Variants in NEK11 observed in about 807,000 individuals in gnomAD.
The protein encoded by NEK11 is NIMA related kinase 11.
In NEK11, 72 loss-of-function variants were observed where a neutral mutation model predicts 80.7. That is an observed-to-expected ratio of 0.89 (90% confidence interval 0.74 to 1.08). NEK11 has a LOEUF of 1.08. NEK11 is among the 50% of genes least tolerant of loss of function. The pLI, the probability that NEK11 is intolerant of heterozygous loss-of-function variation, is 0.00. For missense variants in NEK11, 764 were observed against 763.6 expected (o/e 1.00, Z -0.01); for synonymous variants, 251 against 260.7 (o/e 0.96, Z 0.36).
rs559361663 is a variant in NEK11 at position 131,057,714 on chromosome 3, T to C, written c.171-22709T>C. Reference sequence around the variant, plus strand: ...TTGAGAAGTGTCTGTTCATATCCTTTGCCCACTTTTTGATGGGGTTGTTTG... The same window carrying C: ...TTGAGAAGTGTCTGTTCATATCCTTCGCCCACTTTTTGATGGGGTTGTTTG... On this transcript the variant is annotated intron_variant, in intron 3 of 17. Transcript: ENST00000383366. Among the ~76,000 whole-genome samples, 1,457 of 151,770 alleles carry C rather than the reference T, an allele frequency of 9.6e-3. 12 individuals are homozygous for C. The highest frequency in any genetic ancestry group is 0.032 in the African/African-American group (1,327 of 41,268).
At chr3:131,034,346 T>G (rs1042283470) in intron 3 of NEK11, among the ~76,000 whole-genome samples, 2 of 152,206 alleles carry the variant, frequency 1.3e-5, no homozygotes, top group Non-Finnish European at 1.5e-5. Flanking sequence ...TATGCAGAGT[T>G]GATTTTATGC....
intron 4 of NEK11, among the ~76,000 whole-genome samples, chr3:131,103,836 C>CCCA (rs1466050479): frequency 6.6e-6 from 1 of 152,210 alleles, no homozygotes; most frequent in Non-Finnish European, 1.5e-5. Context: ...CACTCAAGTG[C>CCCA]CTTAGTACTC....
intron 17 of NEK11, among the ~76,000 whole-genome samples, chr3:131,331,808 T>C (rs181518615): frequency 6.6e-6 from 1 of 152,268 alleles, no homozygotes; most frequent in East Asian, 1.9e-4. Flanking sequence ...CACTAGGAGA[T>C]TATATCCCAC....
chr3:131,213,293 C>T (rs749508654), intron 14 of NEK11, among the ~76,000 whole-genome samples: 3 of 152,178 alleles, frequency 2.0e-5, no homozygotes, highest in Non-Finnish European at 4.4e-5. Context: ...CATGTTCTAG[C>T]AGTTTCCTGA....
chr3:131,296,669 TA>T (rs1248125836), intron 17 of NEK11, among the ~76,000 whole-genome samples: 5 of 152,300 alleles, frequency 3.3e-5, no homozygotes, highest in Non-Finnish European at 7.3e-5. Context: ...TTTATTTTAT[TA>T]TTATTATACT....
chr3:131,040,193 T>A (rs946353804), intron 3 of NEK11, among the ~76,000 whole-genome samples: 12 of 152,184 alleles, frequency 7.9e-5, no homozygotes, highest in Non-Finnish European at 1.6e-4. Context: ...GATACTCTTA[T>A]AAGCCCTAGT....
intron 3 of NEK11, among the ~76,000 whole-genome samples, chr3:131,044,973 C>G (rs867721026): frequency 2.0e-5 from 3 of 152,138 alleles, no homozygotes; most frequent in African/African-American, 7.2e-5. Flanking sequence ...GAAACTCACT[C>G]AAAACTGCCC....
At chr3:131,028,434 A>G (rs1244437746) in intron 2 of NEK11, among the ~76,000 whole-genome samples, 1 of 152,208 alleles carries the variant, frequency 6.6e-6, no homozygotes, top group Non-Finnish European at 1.5e-5. Flanking sequence ...TGTTATTTCT[A>G]TATAGATTTA....
intron 3 of NEK11, among the ~76,000 whole-genome samples, chr3:131,036,025 T>C (rs6796792): frequency 0.16 from 25,078 of 152,160 alleles, 2,178 homozygotes; most frequent in Middle Eastern, 0.2. Flanking sequence ...AAAGAAGCAG[T>C]AAAATAATCT....
chr3:131,315,059 G>A (rs2096822786), intron 17 of NEK11, among the ~76,000 whole-genome samples: 1 of 152,080 alleles, frequency 6.6e-6, no homozygotes, highest in Admixed American at 6.5e-5. Flanking sequence ...CACATACGTA[G>A]TGAAGTAATT....
intron 14 of NEK11, among the ~76,000 whole-genome samples, chr3:131,183,229 G>A (rs1159660668): frequency 6.6e-6 from 1 of 152,120 alleles, no homozygotes; most frequent in Non-Finnish European, 1.5e-5. Context: ...GAGGAGAGTA[G>A]GTCATTGCCC....
At chr3:131,058,788 C>T (rs1276278561) in intron 3 of NEK11, among the ~76,000 whole-genome samples, 2 of 152,166 alleles carry the variant, frequency 1.3e-5, no homozygotes, top group Non-Finnish European at 2.9e-5. Context: ...TATTAGCTCT[C>T]CCATCCTCAC....
chr3:131,177,860 A>G (rs1436033400), intron 14 of NEK11, among the ~76,000 whole-genome samples: 1 of 152,254 alleles, frequency 6.6e-6, no homozygotes, highest in African/African-American at 2.4e-5. Context: ...GTACTGCTTA[A>G]TGACAGGAAT....
At chr3:131,098,202 C>T (rs2077763487) in intron 4 of NEK11, among the ~76,000 whole-genome samples, 1 of 152,160 alleles carries the variant, frequency 6.6e-6, no homozygotes, top group Non-Finnish European at 1.5e-5. Flanking sequence ...CATAAAAACC[C>T]TAGAAGAAAA....
intron 17 of NEK11, among the ~76,000 whole-genome samples, chr3:131,297,813 T>C (rs1293029902): frequency 6.6e-6 from 1 of 152,252 alleles, no homozygotes; most frequent in Non-Finnish European, 1.5e-5. Context: ...TGTTTAAGTC[T>C]TTAATCCATC....
rs776777955 is a variant in NEK11, at chr3:131,243,436, G to A, written c.1561G>A (p.Asp521Asn). 35 of 1,612,320 alleles carry A rather than the reference G, an allele frequency of 2.2e-5. No individual in the cohort carries two copies. The highest frequency in any genetic ancestry group is 2.7e-5 in the Non-Finnish European group (32 of 1,178,988). ...SQPAYRTNQQ[D>N]SDIEALARCL... is the part of the protein sequence containing the mutation. ...AAACATTTCTCCCTTATTTTGACAG[G>A]ACAGTGATATCGAAGCGTTGGCCAG... Residue 521 changes from aspartate to asparagine, a missense_variant and splice_region_variant, in exon 16 of 18, where the codon GAC becomes AAC. By Grantham distance (23) the Asp-to-Asn change is conservative. Coordinates refer to ENST00000383366, the MANE Select transcript of NEK11 (RefSeq NM_024800.5).
chr3:131,298,066 G>A (rs894492872), intron 17 of NEK11, among the ~76,000 whole-genome samples: 1 of 152,160 alleles, frequency 6.6e-6, no homozygotes, highest in South Asian at 2.1e-4. Flanking sequence ...GGTTACTGTA[G>A]CCTTGTAGTA....
intron 16 of NEK11, among the ~76,000 whole-genome samples, chr3:131,264,569 T>A (rs1233588972): frequency 6.6e-6 from 1 of 152,250 alleles, no homozygotes; most frequent in African/African-American, 2.4e-5. Context: ...TCCATTGATC[T>A]ATACCTCTGT....
At chr3:131,139,389 G>A (rs141217403) in intron 7 of NEK11, among the ~76,000 whole-genome samples, 151 of 147,984 alleles carry the variant, frequency 1.0e-3, no homozygotes, top group African/African-American at 3.6e-3. Flanking sequence ...ACACCTCCAA[G>A]ATCTGGAAAG....
Sources: gnomAD v4.1 joint callset for allele counts (sites outside exome capture counted in the v4.1 genomes callset) on GRCh38, gnomAD v4.1.1 for gene constraint, MANE v1.5 for transcripts, NCBI Gene and HGNC (gene_info 2026-07-23, HGNC 2026-07-21) for gene names.